Variants in ZNF385D observed in about 807,000 individuals in gnomAD.
ZNF385D encodes zinc finger protein 385D, also known as zinc finger protein 659.
Under a neutral mutation model 35.8 loss-of-function variants are expected in ZNF385D, and 15 were observed. That is an observed-to-expected ratio of 0.42 (90% confidence interval 0.28 to 0.64). The LOEUF (loss-of-function observed/expected upper bound fraction) is 0.64. Ranked by LOEUF, ZNF385D falls within the 30% of genes least tolerant of loss-of-function variation. ZNF385D has a pLI of 0.23. For synonymous variants in ZNF385D, 212 were observed against 186.8 expected (o/e 1.13, Z -1.10); for missense variants, 474 against 494.6 (o/e 0.96, Z 0.39).
intron 3 of ZNF385D, among the ~76,000 whole-genome samples, chr3:22,075,309 T>C (rs1409036182): frequency 6.6e-6 from 1 of 151,884 alleles, no homozygotes; most frequent in Non-Finnish European, 1.5e-5. Context: ...TCCCTAAAGA[T>C]TCCTCTCCAG....
intron 3 of ZNF385D, among the ~76,000 whole-genome samples, chr3:21,997,906 T>A (rs944659682): frequency 2.8e-5 from 4 of 143,738 alleles, no homozygotes; most frequent in Admixed American, 7.2e-5. Context: ...TGTGTGTGTG[T>A]GACAGAAAGA....
intron 2 of ZNF385D, among the ~76,000 whole-genome samples, chr3:22,353,168 A>C (rs1450537781): frequency 6.6e-6 from 1 of 152,194 alleles, no homozygotes; most frequent in Admixed American, 6.5e-5. Context: ...GGTTTAGCTT[A>C]AATCCACAGG....
Position 22,239,212 on chromosome 3 carries a change from C to T in ZNF385D, c.107-70177G>A, listed in dbSNP as rs1474749235. ...AACTATGATTCATTGCCAAATCTTG[C>T]CTGCTACCAGTATCTTTAAGTAAAA... On this transcript the variant is annotated intron_variant, in intron 2 of 5. Coordinates refer to the ZNF385D transcript ENST00000494108. Among the ~76,000 whole-genome samples the T allele has an allele frequency of 6.0e-5, 9 of 151,080 alleles. 1 individual carries two copies. Among genetic ancestry groups the T allele is most frequent in the Admixed American group, 5.9e-4 (9 of 15,150 alleles).
intron 3 of ZNF385D, among the ~76,000 whole-genome samples, chr3:21,554,344 A>ATT (rs1390395429): frequency 6.6e-6 from 1 of 152,194 alleles, no homozygotes; most frequent in African/African-American, 2.4e-5. Context: ...TTTGAAAGAA[A>ATT]TCTTTTTTTC....
chr3:21,566,305 T>C (rs1221869061), intron 2 of ZNF385D, among the ~76,000 whole-genome samples: 1 of 152,164 alleles, frequency 6.6e-6, no homozygotes, highest in Non-Finnish European at 1.5e-5. Flanking sequence ...CCTCTCCTCA[T>C]TGTTTTTCTG....
intron 2 of ZNF385D, among the ~76,000 whole-genome samples, chr3:21,602,921 A>C (rs1420419176): frequency 6.6e-6 from 1 of 152,074 alleles, no homozygotes; most frequent in Non-Finnish European, 1.5e-5. Flanking sequence ...AAACCTTCTC[A>C]TCCACTAATC....
At chr3:21,819,326 T>G (rs1014756437) in intron 3 of ZNF385D, among the ~76,000 whole-genome samples, 8 of 151,754 alleles carry the variant, frequency 5.3e-5, no homozygotes, top group Non-Finnish European at 1.0e-4. Context: ...GATTGTCAGA[T>G]GAGACTGGAA....
intron 3 of ZNF385D, among the ~76,000 whole-genome samples, chr3:22,089,763 T>C (rs559506325): frequency 3.3e-5 from 5 of 152,208 alleles, no homozygotes; most frequent in South Asian, 2.1e-4. Flanking sequence ...TATGCTGTTC[T>C]TATATTTTTA....
At position 21,418,425 on chromosome 3, in the gene ZNF385D, C is replaced by T. The variant is rs1700603224; in HGVS notation, c.*2789G>A. 1 of 152,134 alleles carries T rather than the reference C, an allele frequency of 6.6e-6. No homozygotes were observed. The highest frequency in any genetic ancestry group is 1.5e-5 in the Non-Finnish European group (1 of 68,008). 9.4% of individuals were successfully genotyped at this position (152,134 alleles called of 1,614,324 possible). On this transcript the variant is annotated 3_prime_UTR_variant, in exon 8 of 8. Transcript: ENST00000281523. ...ACTCACAGAGAATCCACTGTAAGTT[C>T]TGTGGTTAGGCTTCATCCTTTATTA...
At chr3:22,265,640 C>T (rs1322815514) in intron 2 of ZNF385D, among the ~76,000 whole-genome samples, 2 of 151,896 alleles carry the variant, frequency 1.3e-5, no homozygotes, top group Non-Finnish European at 2.9e-5. Flanking sequence ...AGTCAGCAGT[C>T]TGAAGTCACT....
intron 1 of ZNF385D, among the ~76,000 whole-genome samples, chr3:21,668,415 C>T (rs1181521562): frequency 6.6e-6 from 1 of 152,180 alleles, no homozygotes; most frequent in Non-Finnish European, 1.5e-5. Context: ...CCAGCTCCTT[C>T]CTCTTCCCAA....
intron 3 of ZNF385D, among the ~76,000 whole-genome samples, chr3:21,551,542 A>T (rs1023331116): frequency 6.6e-6 from 1 of 152,238 alleles, no homozygotes; most frequent in Non-Finnish European, 1.5e-5. Flanking sequence ...TTGAGTATCC[A>T]TTCTCTACTT....
At chr3:21,684,118 G>A (rs2067004954) in intron 1 of ZNF385D, among the ~76,000 whole-genome samples, 1 of 149,548 alleles carries the variant, frequency 6.7e-6, no homozygotes, top group Non-Finnish European at 1.5e-5. Context: ...AAGCTCCCTA[G>A]TTGAACTGGT....
At chr3:22,314,968 A>T (rs552109388) in intron 2 of ZNF385D, among the ~76,000 whole-genome samples, 1 of 152,264 alleles carries the variant, frequency 6.6e-6, no homozygotes, top group South Asian at 2.1e-4. Context: ...TTAAGAAAAT[A>T]TGGGCCCATC....
chr3:22,330,995 C>G (rs934036170), intron 2 of ZNF385D, among the ~76,000 whole-genome samples: 3 of 152,118 alleles, frequency 2.0e-5, no homozygotes, highest in African/African-American at 7.2e-5. Context: ...TGAATTTTAA[C>G]TCTTAAAAAA....
upstream of ZNF385D, chr3:21,751,407 A>G (rs534001258): frequency 2.0e-4 from 204 of 1,013,120 alleles, 1 homozygote; most frequent in East Asian, 3.0e-3. Flanking sequence ...GGATCCACAC[A>G]GGAACACACA....
intron 3 of ZNF385D, among the ~76,000 whole-genome samples, chr3:22,111,576 T>A (rs561192204): frequency 1.3e-5 from 2 of 152,110 alleles, no homozygotes; most frequent in African/African-American, 4.8e-5. Flanking sequence ...TAATTTACCA[T>A]CTTGGCATTT....
At chr3:21,863,739 T>C (rs181545925) in intron 3 of ZNF385D, among the ~76,000 whole-genome samples, 3 of 152,242 alleles carry the variant, frequency 2.0e-5, no homozygotes, top group East Asian at 1.9e-4. Flanking sequence ...GTCAGTACGA[T>C]TGATACAGAA....
intron 2 of ZNF385D, among the ~76,000 whole-genome samples, chr3:22,239,062 AT>A (rs1197708262): frequency 1.3e-5 from 2 of 150,916 alleles, no homozygotes; most frequent in African/African-American, 4.9e-5. Flanking sequence ...ACTAATTTTA[AT>A]TTTTTAAAGT....
Sources: gnomAD v4.1 joint callset for allele counts (sites outside exome capture counted in the v4.1 genomes callset) on GRCh38, gnomAD v4.1.1 for gene constraint, MANE v1.5 for transcripts, NCBI Gene and HGNC (gene_info 2026-07-23, HGNC 2026-07-21) for gene names.